The following CBLB variants were observed in gnomAD, a reference collection of about 807,000 sequenced individuals.
The protein encoded by CBLB is E3 ubiquitin-protein ligase CBL-B.
CBLB carries 31 observed loss-of-function variants against 104.9 expected under a neutral mutation model. The ratio of observed to expected loss-of-function variants is 0.30; its 90% CI spans 0.22 to 0.40. The LOEUF (loss-of-function observed/expected upper bound fraction) is 0.40, where lower values mean the gene tolerates loss of function less well. Ranked by LOEUF, CBLB falls within the 10% of genes least tolerant of loss-of-function variation. The pLI, the probability that CBLB is intolerant of heterozygous loss-of-function variation, is 1.00. For synonymous variants in CBLB, 440 were observed against 422.6 expected, an observed-to-expected ratio of 1.04 and a Z score of -0.51; for missense variants, 1,062 against 1,214.6, an observed-to-expected ratio of 0.87 and a Z score of 1.87.
intron 4 of CBLB, among the ~76,000 whole-genome samples, chr3:105,772,274 G>A (rs963367879): frequency 1.5e-4 from 23 of 152,106 alleles, no homozygotes; most frequent in African/African-American, 5.3e-4. Context: ...TTTGGAAAAG[G>A]ATACCCTTAT....
At chr3:105,807,863 T>C (rs994134146) in intron 3 of CBLB, among the ~76,000 whole-genome samples, 19 of 152,164 alleles carry the variant, frequency 1.2e-4, no homozygotes, top group Non-Finnish European at 2.6e-4. Flanking sequence ...GTAAAGGAAC[T>C]CAGAGGACTT....
intron 3 of CBLB, among the ~76,000 whole-genome samples, chr3:105,797,830 T>C (rs779749980): frequency 1.4e-4 from 22 of 152,246 alleles, no homozygotes; most frequent in Non-Finnish European, 2.8e-4. Context: ...TTCTCTTCCA[T>C]GAGCATCCCC....
chr3:105,801,162 G>C (rs992766824), intron 3 of CBLB, among the ~76,000 whole-genome samples: 4 of 151,986 alleles, frequency 2.6e-5, no homozygotes, highest in Non-Finnish European at 5.9e-5. Context: ...CTGAAATATT[G>C]GCTAATTAAT....
Position 105,656,614 on chromosome 3 carries a change from C to T in CBLB, c.*2356G>A. 1.1e-5 allele frequency: 1 copy of T among 94,456 alleles called. No individual in the cohort carries two copies. Among genetic ancestry groups the T allele is most frequent in the Middle Eastern group, 2.1e-3 (1 of 478 alleles). The allele number at this position is 94,456 out of a possible 1,614,324, so 5.9% of individuals were successfully genotyped here. On this transcript the variant is annotated 3_prime_UTR_variant, in exon 19 of 19. Coordinates refer to ENST00000394030, the MANE Select transcript of CBLB (RefSeq NM_170662.5). ...ATTTTCTCTGCAAAACAGATATCCCCCCACCCCCCACCCCCAAATTTCAGG... is the reference window on the plus strand; with the variant it reads ...ATTTTCTCTGCAAAACAGATATCCCTCCACCCCCCACCCCCAAATTTCAGG...
At chr3:105,685,693 A>G (rs1298060582) in intron 13 of CBLB, among the ~76,000 whole-genome samples, 2 of 152,192 alleles carry the variant, frequency 1.3e-5, no homozygotes, top group African/African-American at 4.8e-5. Flanking sequence ...TCACAATTTT[A>G]AATGGCACAA....
At chr3:105,845,745 T>C (rs556527263) in intron 3 of CBLB, among the ~76,000 whole-genome samples, 8 of 152,232 alleles carry the variant, frequency 5.3e-5, no homozygotes, top group African/African-American at 1.4e-4. Flanking sequence ...AACATTTGTC[T>C]AAATAACTTT....
At chr3:105,679,365 CAT>C (rs1311863604) in intron 16 of CBLB, among the ~76,000 whole-genome samples, 2 of 122,606 alleles carry the variant, frequency 1.6e-5, no homozygotes, top group African/African-American at 3.1e-5. Context: ...AAAAAAAGCA[CAT>C]GTTTGGTAAG....
chr3:105,851,431 A>C (rs1421782202), intron 3 of CBLB, among the ~76,000 whole-genome samples: 2 of 152,200 alleles, frequency 1.3e-5, no homozygotes, highest in African/African-American at 4.8e-5. Flanking sequence ...CAGTGAAACA[A>C]TTCTATATAA....
At chr3:105,769,200 C>A (rs2078580495) in intron 4 of CBLB, among the ~76,000 whole-genome samples, 1 of 152,068 alleles carries the variant, frequency 6.6e-6, no homozygotes, top group Non-Finnish European at 1.5e-5. Flanking sequence ...TGCCTGTAAT[C>A]CCAGCTACTT....
intron 3 of CBLB, among the ~76,000 whole-genome samples, chr3:105,801,006 A>T (rs568698518): frequency 2.1e-5 from 3 of 142,892 alleles, no homozygotes; most frequent in East Asian, 2.2e-4. Flanking sequence ...AGCATGCTTT[A>T]AAAAAAAAAA....
intron 18 of CBLB, among the ~76,000 whole-genome samples, chr3:105,665,412 AATAAATAT>A (rs1426556585): frequency 2.8e-4 from 21 of 74,784 alleles, no homozygotes; most frequent in Non-Finnish European, 3.9e-4. Flanking sequence ...TAAATAAATA[AATAAATAT>A]ATATATATAT....
At chr3:105,691,238 A>G (rs2067653251) in intron 13 of CBLB, among the ~76,000 whole-genome samples, 1 of 152,250 alleles carries the variant, frequency 6.6e-6, no homozygotes, top group Non-Finnish European at 1.5e-5. Flanking sequence ...TGTACTGCTA[A>G]CTATGGCTGA....
intron 3 of CBLB, among the ~76,000 whole-genome samples, chr3:105,827,320 T>G (rs1420955249): frequency 4.6e-5 from 7 of 152,188 alleles, no homozygotes. Flanking sequence ...ATGAAACTTT[T>G]TTTTTCCCTC....
rs1218008775 is a variant in CBLB at position 105,796,204 on chromosome 3, C to T, written c.420-19662G>A. ...CCTGACTTCAAACTATATTACAGGGCTATAGTAACCAAAACAGCATGGTAC... is the reference window on the plus strand; with the variant it reads ...CCTGACTTCAAACTATATTACAGGGTTATAGTAACCAAAACAGCATGGTAC... On this transcript the variant is annotated intron_variant, in intron 3 of 18. Coordinates refer to ENST00000394030, the MANE Select transcript of CBLB (RefSeq NM_170662.5). 2.0e-5 allele frequency among the ~76,000 whole-genome samples: 3 copies of T among 152,144 alleles called. No homozygotes were observed. In the East Asian group the frequency reaches 5.8e-4, roughly 29 times the overall value.
intron 3 of CBLB, among the ~76,000 whole-genome samples, chr3:105,821,510 A>C (rs1340335749): frequency 1.3e-5 from 2 of 152,136 alleles, no homozygotes. Context: ...GTTCACATAA[A>C]CACTACTGCC....
At chr3:105,700,448 TA>T (rs1208979379) in intron 12 of CBLB, among the ~76,000 whole-genome samples, 2 of 151,334 alleles carry the variant, frequency 1.3e-5, no homozygotes, top group Non-Finnish European at 2.9e-5. Context: ...TGTGATCACA[TA>T]TGAATAAAAA....
At chr3:105,821,929 T>C (rs182234379) in intron 3 of CBLB, among the ~76,000 whole-genome samples, 1 of 152,222 alleles carries the variant, frequency 6.6e-6, no homozygotes, top group East Asian at 1.9e-4. Flanking sequence ...TATCTCTGCT[T>C]GCCTCAATGT....
chr3:105,765,338 A>G, intron 4 of CBLB, among the ~76,000 whole-genome samples: 1 of 152,152 alleles, frequency 6.6e-6, no homozygotes, highest in East Asian at 1.9e-4. Context: ...TAAAGGTTGA[A>G]AAAGAAAAAA....
rs1175320105 is a variant in CBLB at position 105,665,412 on chromosome 3, AATAAATATAT to A, written c.2689+4811_2689+4820del. On this transcript the variant is annotated intron_variant, in intron 18 of 18. Coordinates refer to ENST00000394030, the MANE Select transcript of CBLB (RefSeq NM_170662.5). ...AAAAAAATAAATAAATAAATAAATA[AATAAATATAT>A]ATATATATATATATATATATACACA... Among the ~76,000 whole-genome samples, 122 of 74,788 alleles carry A rather than the reference AATAAATATAT, an allele frequency of 1.6e-3. 1 individual carries two copies. The highest frequency in any genetic ancestry group is 9.5e-3 in the East Asian group (15 of 1,580). 49.1% of individuals were successfully genotyped at this position (74,788 alleles called of 152,430 possible). A position where few individuals can be genotyped will look rare whatever the true frequency, so the allele number is the denominator to read the frequency against.
Sources: allele counts gnomAD v4.1 joint callset (sites outside exome capture counted in the v4.1 genomes callset), GRCh38; gene constraint gnomAD v4.1.1; transcripts MANE v1.5; gene names NCBI Gene and HGNC (gene_info 2026-07-23, HGNC 2026-07-21).